Variants in MCC observed in about 807,000 individuals in gnomAD.
The protein encoded by MCC is colorectal mutant cancer protein.
Under a neutral mutation model 116.2 loss-of-function variants are expected in MCC, and 90 were observed. That is an observed-to-expected ratio of 0.77 (90% CI 0.65 to 0.92). MCC has a LOEUF of 0.92. Among genes scored for constraint, MCC ranks in the 40% least tolerant of loss-of-function variants. The pLI is 0.00. For synonymous variants in MCC, 578 were observed against 510.5 expected (o/e 1.13, Z -1.78); for missense variants, 1,516 against 1,312.2 (o/e 1.16, Z -2.40).
chr5:113,280,319 G>A (rs1337374082), intron 3 of MCC, among the ~76,000 whole-genome samples: 1 of 152,070 alleles, frequency 6.6e-6, no homozygotes, highest in East Asian at 1.9e-4. Flanking sequence ...GTTGCCCTAT[G>A]TGTAACTTTT....
intron 6 of MCC, among the ~76,000 whole-genome samples, chr5:113,111,026 C>A (rs1035528672): frequency 6.6e-6 from 1 of 152,108 alleles, no homozygotes; most frequent in Non-Finnish European, 1.5e-5. Flanking sequence ...TCCTCCTGCC[C>A]TTTTCCTCTT....
chr5:113,416,302 T>C (rs974656836), intron 1 of MCC, among the ~76,000 whole-genome samples: 6 of 152,160 alleles, frequency 3.9e-5, no homozygotes, highest in Admixed American at 2.0e-4. Context: ...ACCTGTAGTC[T>C]CATCTACTCA....
At position 113,386,292 on chromosome 5, in the gene MCC, G is replaced by A. The variant is rs556728002; in HGVS notation, c.171-1080C>T. Reference sequence around the variant, plus strand: ...ACCAGTTTGATGTTTGCTGATACCTGAAACCTAATCATGCTAAGACCACTC... The same window carrying A: ...ACCAGTTTGATGTTTGCTGATACCTAAAACCTAATCATGCTAAGACCACTC... On this transcript the variant is annotated intron_variant, in intron 1 of 18. Transcript: ENST00000408903. Among the ~76,000 whole-genome samples, 3 of 152,270 alleles carry A rather than the reference G, an allele frequency of 2.0e-5. No homozygotes were observed. In the East Asian group the frequency reaches 5.8e-4, roughly 29 times the overall value.
chr5:113,338,547 G>T (rs1767925637), intron 3 of MCC, among the ~76,000 whole-genome samples: 1 of 152,192 alleles, frequency 6.6e-6, no homozygotes, highest in African/African-American at 2.4e-5. Context: ...GCAGAAAACT[G>T]GTCGGCCATG....
intron 1 of MCC, among the ~76,000 whole-genome samples, chr5:113,474,567 A>C (rs1772184586): frequency 6.6e-6 from 1 of 152,222 alleles, no homozygotes; most frequent in Non-Finnish European, 1.5e-5. Flanking sequence ...TCTGTAAGGA[A>C]CAGGCAACTG....
intron 2 of MCC, among the ~76,000 whole-genome samples, chr5:113,361,994 T>A (rs1768560346): frequency 6.6e-6 from 1 of 152,154 alleles, no homozygotes; most frequent in African/African-American, 2.4e-5. Context: ...TTCCCCAGCT[T>A]ATAGATGGCA....
At chr5:113,355,528 A>T (rs562713969) in intron 2 of MCC, among the ~76,000 whole-genome samples, 1 of 152,144 alleles carries the variant, frequency 6.6e-6, no homozygotes, top group Non-Finnish European at 1.5e-5. Flanking sequence ...AAATACCAAA[A>T]CTTATGTGGC....
chr5:113,028,031 C>G (rs1407567873), intron 18 of MCC, among the ~76,000 whole-genome samples: 3 of 152,142 alleles, frequency 2.0e-5, no homozygotes, highest in Non-Finnish European at 4.4e-5. Flanking sequence ...GGCCTTTGAA[C>G]TGTTCCCACC....
At chr5:113,352,498 AACTC>A (rs1161418558) in intron 2 of MCC, among the ~76,000 whole-genome samples, 2 of 152,200 alleles carry the variant, frequency 1.3e-5, no homozygotes, top group East Asian at 3.9e-4. Context: ...AGATTTTGAG[AACTC>A]ACTAAGTAAT....
intron 3 of MCC, among the ~76,000 whole-genome samples, chr5:113,331,418 A>G (rs1164575876): frequency 1.3e-5 from 2 of 151,608 alleles, no homozygotes; most frequent in African/African-American, 4.9e-5. Context: ...GGACAGGGGT[A>G]TAGTAGTGTT....
chr5:113,029,664 C>T (rs1161242668), intron 17 of MCC, among the ~76,000 whole-genome samples: 3 of 152,220 alleles, frequency 2.0e-5, no homozygotes, highest in African/African-American at 7.2e-5. Flanking sequence ...GGATCCTCTA[C>T]TACTTTGGTA....
At chr5:113,408,601 T>C (rs1264106751) in intron 1 of MCC, among the ~76,000 whole-genome samples, 1 of 152,180 alleles carries the variant, frequency 6.6e-6, no homozygotes, top group Non-Finnish European at 1.5e-5. Context: ...CAGCATGACC[T>C]GGGAACTGGT....
chr5:113,118,584 T>C (rs1757530530), intron 6 of MCC, among the ~76,000 whole-genome samples: 2 of 152,234 alleles, frequency 1.3e-5, no homozygotes, highest in East Asian at 1.9e-4. Flanking sequence ...AGTCCTGTTA[T>C]CTTTGGAGAT....
At chr5:113,198,963 G>C (rs1762556967) in intron 3 of MCC, among the ~76,000 whole-genome samples, 1 of 152,020 alleles carries the variant, frequency 6.6e-6, no homozygotes, top group African/African-American at 2.4e-5. Context: ...CACTTTGGGA[G>C]GCCGAGGTGG....
chr5:113,452,984 C>T (rs1276991629), intron 1 of MCC, among the ~76,000 whole-genome samples: 1 of 152,150 alleles, frequency 6.6e-6, no homozygotes, highest in Admixed American at 6.5e-5. Flanking sequence ...TCAATAAGAA[C>T]TTTAAGAGCA....
At chr5:113,256,371 G>A (rs1162373226) in intron 3 of MCC, among the ~76,000 whole-genome samples, 13 of 152,170 alleles carry the variant, frequency 8.5e-5, no homozygotes, top group Admixed American at 8.5e-4. Context: ...GAAAATACCT[G>A]CCCTCAAAGG....
At chr5:113,267,562 T>G (rs1765467026) in intron 3 of MCC, among the ~76,000 whole-genome samples, 1 of 152,216 alleles carries the variant, frequency 6.6e-6, no homozygotes, top group Non-Finnish European at 1.5e-5. Context: ...CTCAGCCACC[T>G]GATGGCCAAA....
chr5:113,096,469 C>T (rs888309300), intron 8 of MCC, among the ~76,000 whole-genome samples: 4 of 152,238 alleles, frequency 2.6e-5, no homozygotes, highest in African/African-American at 9.6e-5. Context: ...AGTGAAACTG[C>T]CTGTTTCTCT....
chr5:113,244,173 C>T (rs1045740025), intron 3 of MCC, among the ~76,000 whole-genome samples: 25 of 152,170 alleles, frequency 1.6e-4, no homozygotes, highest in African/African-American at 5.5e-4. Flanking sequence ...TAAATGGGAA[C>T]ATGCCTCTCT....
Sources: allele counts gnomAD v4.1 joint callset (sites outside exome capture counted in the v4.1 genomes callset), GRCh38; gene constraint gnomAD v4.1.1; transcripts MANE v1.5; gene names NCBI Gene and HGNC (gene_info 2026-07-23, HGNC 2026-07-21).